Variants in COX10 observed in about 807,000 individuals in gnomAD.
COX10 encodes the protein protoheme IX farnesyltransferase, mitochondrial.
COX10 carries 27 observed loss-of-function variants against 37.3 expected under a neutral mutation model. That is an observed-to-expected ratio of 0.72 (90% CI 0.53 to 1.00). The LOEUF (loss-of-function observed/expected upper bound fraction) is 1.00, where lower values mean the gene tolerates loss of function less well. Among genes scored for constraint, COX10 ranks in the 50% least tolerant of loss-of-function variants. The pLI, the probability that COX10 is intolerant of heterozygous loss-of-function variation, is 0.00. For synonymous variants in COX10, 222 were observed against 229.1 expected, an observed-to-expected ratio of 0.97 and a Z score of 0.28; for missense variants, 475 against 563.2, an observed-to-expected ratio of 0.84 and a Z score of 1.59.
At chr17:14,109,528 A>C (rs1321256381) in intron 4 of COX10, among the ~76,000 whole-genome samples, 1 of 152,174 alleles carries the variant, frequency 6.6e-6, no homozygotes, top group Non-Finnish European at 1.5e-5. Context: ...CTTCTTAATG[A>C]TGACTCTGTG....
At chr17:14,166,649 T>A in intron 5 of COX10, among the ~76,000 whole-genome samples, 1 of 71,986 alleles carries the variant, frequency 1.4e-5, no homozygotes, top group African/African-American at 3.5e-5. Flanking sequence ...AGTCTTCCTC[T>A]CACTCAGGCT....
At chr17:14,076,575 A>G (rs892557869) in intron 2 of COX10, among the ~76,000 whole-genome samples, 160 bp from the exon 3 acceptor site, 1 of 152,220 alleles carries the variant, frequency 6.6e-6, no homozygotes, top group African/African-American at 2.4e-5. Context: ...AGTGATTTCC[A>G]TATAGCACTC....
At chr17:14,072,277 A>G (rs571545786) in intron 1 of COX10, among the ~76,000 whole-genome samples, 2 of 151,998 alleles carry the variant, frequency 1.3e-5, no homozygotes, top group Non-Finnish European at 2.9e-5. Context: ...CTGGAGTGCA[A>G]TGGCACAATC....
intron 5 of COX10, among the ~76,000 whole-genome samples, chr17:14,165,699 G>T (rs1337473594): frequency 2.0e-5 from 3 of 152,180 alleles, no homozygotes; most frequent in Non-Finnish European, 4.4e-5. Context: ...AATGAGGAAG[G>T]TGACATGTTA....
intron 4 of COX10, among the ~76,000 whole-genome samples, chr17:14,121,326 T>G (rs1259993123): frequency 6.6e-6 from 1 of 152,224 alleles, no homozygotes; most frequent in East Asian, 1.9e-4. Context: ...TTGAAAAACT[T>G]AAGTCAGAAG....
intron 4 of COX10, among the ~76,000 whole-genome samples, chr17:14,118,493 A>G (rs1299859534): frequency 6.6e-6 from 1 of 152,190 alleles, no homozygotes; most frequent in Non-Finnish European, 1.5e-5. Context: ...CTGCCTATGT[A>G]TTTGTATAAA....
At chr17:14,118,238 G>C (rs987062124) in intron 4 of COX10, among the ~76,000 whole-genome samples, 4 of 151,964 alleles carry the variant, frequency 2.6e-5, no homozygotes, top group African/African-American at 9.7e-5. Flanking sequence ...TTAGGTCCAT[G>C]GACACAGGCC....
chr17:14,117,643 A>G (rs1567595022), intron 4 of COX10, among the ~76,000 whole-genome samples: 1 of 151,914 alleles, frequency 6.6e-6, no homozygotes, highest in South Asian at 2.1e-4. Context: ...TGTAGAGATC[A>G]TGGGGAGCAT....
chr17:14,197,272 T>C (rs1181831180), intron 6 of COX10, among the ~76,000 whole-genome samples: 1 of 152,136 alleles, frequency 6.6e-6, no homozygotes, highest in African/African-American at 2.4e-5. Flanking sequence ...TTTTCCCCTT[T>C]GTGGTGTCTG....
chr17:14,206,424 C>T (rs3785661), intron 6 of COX10, among the ~76,000 whole-genome samples: 19,754 of 152,100 alleles, frequency 0.13, 2,310 homozygotes, highest in African/African-American at 0.31. Flanking sequence ...AGTGTTTGCC[C>T]GTGTGTAGGG....
At chr17:14,070,116 T>G (rs2323090) in intron 1 of COX10, among the ~76,000 whole-genome samples, 28,203 of 152,038 alleles carry the variant, frequency 0.19, 3,001 homozygotes, top group East Asian at 0.38. Context: ...CGGAGTGTAG[T>G]CCCCATCAGA....
rs571254341 is a variant in COX10, at chr17:14,157,923, A to G, written c.625-1954A>G. ...ATATCTTTTATTCTTATAATTACAG[A>G]TGACAAATGCTCTCTTAATGCTGTG... On this transcript the variant is annotated intron_variant, in intron 4 of 6. Transcript: ENST00000261643. Among the ~76,000 whole-genome samples the G allele has an allele frequency of 1.0e-3, 159 of 152,328 alleles. 1 individual carries two copies. The highest frequency in any genetic ancestry group is 2.2e-3 in the Admixed American group (34 of 15,304).
chr17:14,182,328 C>T (rs1241646444), intron 5 of COX10: 2 of 899,658 alleles, frequency 2.2e-6, no homozygotes, highest in African/African-American at 1.8e-5. Context: ...GTATGTGAAA[C>T]CACAGTCTCC....
chr17:14,108,130 C>T (rs950886242), intron 4 of COX10, among the ~76,000 whole-genome samples: 1 of 152,134 alleles, frequency 6.6e-6, no homozygotes, highest in African/African-American at 2.4e-5. Flanking sequence ...GTACATCCAT[C>T]ACCTCTGCCC....
intron 5 of COX10, chr17:14,182,130 TA>T (rs1905882527): frequency 1.0e-6 from 1 of 983,902 alleles, no homozygotes; most frequent in Non-Finnish European, 1.2e-6. Context: ...ATTATTAATA[TA>T]ATACCACAGT....
chr17:14,090,290 A>G (rs1915497502), intron 3 of COX10, among the ~76,000 whole-genome samples: 1 of 152,064 alleles, frequency 6.6e-6, no homozygotes, highest in African/African-American at 2.4e-5. Flanking sequence ...GTAGCATCTT[A>G]TTTATTAAGA....
At chr17:14,072,943 G>GA (rs1915058357) in intron 1 of COX10, among the ~76,000 whole-genome samples, 1 of 152,212 alleles carries the variant, frequency 6.6e-6, no homozygotes, top group African/African-American at 2.4e-5. Context: ...GCATGAAGAA[G>GA]TGTCATGCAA....
At chr17:14,160,151 GT>G (rs956889118) in intron 5 of COX10, among the ~76,000 whole-genome samples, 5 of 151,156 alleles carry the variant, frequency 3.3e-5, no homozygotes, top group African/African-American at 9.7e-5. Flanking sequence ...GAGTGGCAGG[GT>G]TTTTTTTTAT....
chr17:14,105,193 G>T (rs1333523768), intron 4 of COX10, among the ~76,000 whole-genome samples: 3 of 152,096 alleles, frequency 2.0e-5, no homozygotes, highest in Non-Finnish European at 2.9e-5. Context: ...TTTTAGACTG[G>T]TTATGTCAGT....
Sources: gnomAD v4.1 joint callset for allele counts (sites outside exome capture counted in the v4.1 genomes callset) on GRCh38, gnomAD v4.1.1 for gene constraint, MANE v1.5 for transcripts, NCBI Gene and HGNC (gene_info 2026-07-23, HGNC 2026-07-21) for gene names.